CPM: variants seen among roughly 807,000 people sequenced by gnomAD.
CPM encodes carboxypeptidase M, also known as renal carboxypeptidase.
In CPM, 35 loss-of-function variants were observed where a neutral mutation model predicts 46.4. The ratio of observed to expected loss-of-function variants is 0.75; its 90% CI spans 0.58 to 1.00. The LOEUF (loss-of-function observed/expected upper bound fraction) is 1.00, where lower values mean the gene tolerates loss of function less well. Among genes scored for constraint, CPM ranks in the 50% least tolerant of loss-of-function variants. The pLI, the probability that CPM is intolerant of heterozygous loss-of-function variation, is 0.00. For synonymous variants in CPM, 195 were observed against 195.3 expected (o/e 1.00, Z 0.01); for missense variants, 422 against 530.4 (o/e 0.80, Z 2.01).
intron 8 of CPM, among the ~76,000 whole-genome samples, chr12:68,857,419 C>T (rs1282549805): frequency 2.0e-5 from 3 of 152,144 alleles, no homozygotes. Flanking sequence ...GCCTCTCAGC[C>T]TCCCAAAGTG....
chr12:68,899,649 T>C (rs1887034504), intron 2 of CPM, among the ~76,000 whole-genome samples: 1 of 152,168 alleles, frequency 6.6e-6, no homozygotes, highest in Non-Finnish European at 1.5e-5. Flanking sequence ...ATTGGTTCAA[T>C]ATGAATCGGT....
chr12:68,947,953 C>T (rs1888874595), intron 1 of CPM, among the ~76,000 whole-genome samples: 1 of 152,162 alleles, frequency 6.6e-6, no homozygotes, highest in Non-Finnish European at 1.5e-5. Context: ...GCTCTAATAG[C>T]TGTTCCCCAT....
At chr12:68,866,783 A>C in intron 7 of CPM, 113 bp downstream of exon 7, 3 of 877,784 alleles carry the variant, frequency 3.4e-6, no homozygotes, top group Non-Finnish European at 5.4e-6. Context: ...CTGGCACTGA[A>C]ATGAGGCTAT....
At chr12:68,951,160 G>A (rs775462946) in intron 1 of CPM, among the ~76,000 whole-genome samples, 40 of 152,150 alleles carry the variant, frequency 2.6e-4, no homozygotes, top group Non-Finnish European at 5.0e-4. Flanking sequence ...CAACCTCTCC[G>A]AGCCTTACTT....
intron 4 of CPM, among the ~76,000 whole-genome samples, chr12:68,870,763 G>A (rs1223321148): frequency 6.6e-6 from 1 of 152,230 alleles, no homozygotes; most frequent in Non-Finnish European, 1.5e-5. Context: ...GTCTCAGAAA[G>A]ACCAGAGCTG....
At chr12:68,941,360 T>C (rs1389040218) in intron 1 of CPM, among the ~76,000 whole-genome samples, 1 of 151,974 alleles carries the variant, frequency 6.6e-6, no homozygotes, top group African/African-American at 2.4e-5. Context: ...TTATTTTACA[T>C]TATTTTGTTT....
rs1884667930 is a variant in CPM at position 68,851,388 on chromosome 12, G to A, written c.*5049C>T. 1 of 152,544 alleles carries A rather than the reference G, an allele frequency of 6.6e-6. No individual in the cohort carries two copies. The highest frequency in any genetic ancestry group is 2.4e-5 in the African/African-American group (1 of 41,422). 9.4% of individuals were successfully genotyped at this position (152,544 alleles called of 1,614,324 possible). A position where few individuals can be genotyped will look rare whatever the true frequency, so the allele number is the denominator to read the frequency against. ...TGGGAGGTCCAGGCAGAGGCAGGCA[G>A]ATCATGAGGTCAGGAGATCGAGACC... On this transcript the variant is annotated 3_prime_UTR_variant, in exon 9 of 9. Coordinates refer to ENST00000551568, the MANE Select transcript of CPM (RefSeq NM_198320.5).
At position 68,932,826 on chromosome 12, in the gene CPM, C is replaced by A. The variant is rs761835944; in HGVS notation, c.12G>T (p.Pro4=). ...GCAGCAACAGCCCTAGCCAGAGGCA[C>A]GGGAAGTCCATGTTCTAGAGATGAA... MDF[P]CLWLGLLLPL... Residue 4 remains proline (P), a synonymous_variant, in exon 2 of 9, where the codon CCG becomes CCT. Coordinates refer to ENST00000551568, the MANE Select transcript of CPM (RefSeq NM_198320.5). The A allele has an allele frequency of 8.1e-6, 13 of 1,613,900 alleles. No individual in the cohort carries two copies. Among genetic ancestry groups the A allele is most frequent in the African/African-American group, 1.3e-5 (1 of 74,888 alleles).
rs184378488 is a variant in CPM at position 68,913,280 on chromosome 12, C to T, written c.160+19398G>A. On this transcript the variant is annotated intron_variant, in intron 2 of 8. Transcript: ENST00000551568. Reference sequence around the variant, plus strand: ...CCTTGTCCCTCAATGAAGTCTGAATCTCAGCTGTGAAGAAGGAGGCTCCTG... The same window carrying T: ...CCTTGTCCCTCAATGAAGTCTGAATTTCAGCTGTGAAGAAGGAGGCTCCTG... Among the ~76,000 whole-genome samples, 45 of 152,274 alleles carry T rather than the reference C, an allele frequency of 3.0e-4. 1 individual carries two copies. The Middle Eastern group carries it at 0.02, about 69-fold the overall frequency.
At chr12:68,861,486 G>A (rs563185386) in intron 7 of CPM, among the ~76,000 whole-genome samples, 4 of 151,958 alleles carry the variant, frequency 2.6e-5, no homozygotes, top group South Asian at 2.1e-4. Context: ...AGAAAATCAA[G>A]TGCATAAAAA....
Position 68,856,430 on chromosome 12 carries a change from T to A in CPM, c.*7A>T. ...GTGGTGATGTGGGTTGAGTTTCACA[T>A]TTTACTTTATTTGAAGAATATGTGC... On this transcript the variant is annotated 3_prime_UTR_variant, in exon 9 of 9. Transcript: ENST00000551568. 1.2e-6 allele frequency: 2 copies of A among 1,612,066 alleles called. No homozygotes were observed. The highest frequency in any genetic ancestry group is 1.7e-6 in the Non-Finnish European group (2 of 1,178,818).
chr12:68,956,924 G>A (rs1296746883), intron 1 of CPM, among the ~76,000 whole-genome samples: 1 of 152,138 alleles, frequency 6.6e-6, no homozygotes, highest in Non-Finnish European at 1.5e-5. Context: ...ATCAGGTACT[G>A]TTTCTACCCC....
intron 2 of CPM, among the ~76,000 whole-genome samples, chr12:68,911,016 ATATAAC>A (rs1488965155): frequency 6.6e-6 from 1 of 152,224 alleles, no homozygotes; most frequent in Non-Finnish European, 1.5e-5. Context: ...ATTGTCGAGT[ATATAAC>A]TATAAGCTAA....
chr12:68,943,282 T>G (rs1338599633), intron 1 of CPM, among the ~76,000 whole-genome samples: 1 of 152,208 alleles, frequency 6.6e-6, no homozygotes, highest in African/African-American at 2.4e-5. Context: ...AGGATTATAG[T>G]GACCTTACAG....
chr12:68,845,220 TTTC>T (rs1299741812), intron 5 of CPM: 7 of 217,728 alleles, frequency 3.2e-5, no homozygotes, highest in Non-Finnish European at 5.5e-5. Flanking sequence ...AGAAAAAGTA[TTTC>T]TTCAGCTTAA....
chr12:68,879,699 T>A (rs775016304), intron 3 of CPM, among the ~76,000 whole-genome samples: 3 of 152,144 alleles, frequency 2.0e-5, no homozygotes, highest in Non-Finnish European at 4.4e-5. Flanking sequence ...CAGTCATGCC[T>A]TGCTTCAATA....
intron 2 of CPM, among the ~76,000 whole-genome samples, chr12:68,891,831 G>A (rs958329829): frequency 2.6e-5 from 4 of 152,052 alleles, no homozygotes; most frequent in African/African-American, 9.7e-5. Flanking sequence ...CCACTTCCTG[G>A]GTTCAAACGA....
At chr12:68,874,129 T>C (rs1004880091) in intron 3 of CPM, among the ~76,000 whole-genome samples, 3 of 151,984 alleles carry the variant, frequency 2.0e-5, no homozygotes, top group African/African-American at 7.3e-5. Flanking sequence ...ATAGTCAAAA[T>C]TGTCACTGGA....
intron 1 of CPM, among the ~76,000 whole-genome samples, chr12:68,946,242 C>T (rs1341833355): frequency 6.6e-6 from 1 of 151,992 alleles, no homozygotes; most frequent in Non-Finnish European, 1.5e-5. Flanking sequence ...CCATTTTTAC[C>T]AAAGACAAAT....
Sources: gnomAD v4.1 joint callset for allele counts (sites outside exome capture counted in the v4.1 genomes callset) on GRCh38, gnomAD v4.1.1 for gene constraint, MANE v1.5 for transcripts, NCBI Gene and HGNC (gene_info 2026-07-23, HGNC 2026-07-21) for gene names.